Variants in FHIT observed in about 807,000 individuals in gnomAD.
FHIT encodes bis(5'-adenosyl)-triphosphatase.
FHIT carries 19 observed loss-of-function variants against 17.9 expected under a neutral mutation model. The ratio of observed to expected loss-of-function variants is 1.06; its 90% CI spans 0.74 to 1.56. The LOEUF (loss-of-function observed/expected upper bound fraction) is 1.56. Among genes scored for constraint, FHIT ranks in the 40% most tolerant of loss-of-function variants. The probability of loss-of-function intolerance (pLI) is 0.00; values close to 1 mark genes in which losing one functional copy is unlikely to be tolerated. For missense variants in FHIT, 248 were observed against 189.2 expected (o/e 1.31, Z -1.82); for synonymous variants, 81 against 69.7 (o/e 1.16, Z -0.81).
chr3:60,730,505 C>T (rs910053599), intron 4 of FHIT: 4 of 190,348 alleles, frequency 2.1e-5, no homozygotes, highest in Non-Finnish European at 3.5e-5. Context: ...AAGCCACCTT[C>T]GAAGATGAGG....
intron 5 of FHIT, among the ~76,000 whole-genome samples, chr3:60,146,873 T>C (rs985361913): frequency 6.6e-6 from 1 of 152,202 alleles, no homozygotes; most frequent in Non-Finnish European, 1.5e-5. Context: ...AAATAAAATG[T>C]GTTTTGAAGA....
intron 4 of FHIT, 138 bp downstream of exon 4, chr3:60,821,781 A>C (rs1215881750): frequency 2.6e-5 from 4 of 152,210 alleles, no homozygotes; most frequent in African/African-American, 9.7e-5. Flanking sequence ...CTCCAAGGGA[A>C]TCTAGCCCTG....
At chr3:61,217,637 T>C (rs898356845) in intron 1 of FHIT, among the ~76,000 whole-genome samples, 1 of 151,944 alleles carries the variant, frequency 6.6e-6, no homozygotes, top group Admixed American at 6.6e-5. Flanking sequence ...CCGCCCTCAA[T>C]GAGGGAGTGT....
chr3:60,123,997 TATATATATATATAGAGAGAGAG>T (rs1208667273), intron 5 of FHIT, among the ~76,000 whole-genome samples: 11 of 33,908 alleles, frequency 3.2e-4, no homozygotes, highest in Admixed American at 3.1e-3. Context: ...TATATATATA[TATATATATATATAGAGAGAGAG>T]AGAGAGAGAG....
chr3:60,520,393 T>C (rs1435941700), intron 5 of FHIT, among the ~76,000 whole-genome samples: 1 of 152,182 alleles, frequency 6.6e-6, no homozygotes, highest in Non-Finnish European at 1.5e-5. Context: ...GTATCAGAAC[T>C]ACATTAATGC....
At chr3:60,140,904 C>T (rs1700014326) in intron 5 of FHIT, among the ~76,000 whole-genome samples, 2 of 152,066 alleles carry the variant, frequency 1.3e-5, no homozygotes, top group Non-Finnish European at 2.9e-5. Flanking sequence ...CTTAACAACA[C>T]TGAGTACTCG....
chr3:60,451,828 G>C (rs115837215), intron 5 of FHIT, among the ~76,000 whole-genome samples: 6,881 of 151,956 alleles, frequency 0.045, 206 homozygotes, highest in Middle Eastern at 0.095. Flanking sequence ...TAGCAATATG[G>C]GAAAAAAAGA....
At chr3:60,923,752 G>C (rs1389061986) in intron 3 of FHIT, among the ~76,000 whole-genome samples, 1 of 152,124 alleles carries the variant, frequency 6.6e-6, no homozygotes, top group African/African-American at 2.4e-5. Context: ...AGCCAAAGCA[G>C]GGCAAGGCAT....
chr3:60,194,392 G>C (rs930031934), intron 5 of FHIT, among the ~76,000 whole-genome samples: 3 of 152,070 alleles, frequency 2.0e-5, no homozygotes, highest in African/African-American at 7.2e-5. Context: ...CCATGTAGAA[G>C]AATTAAACGG....
intron 5 of FHIT, among the ~76,000 whole-genome samples, chr3:60,201,840 C>T (rs955949875): frequency 3.5e-5 from 2 of 57,364 alleles, no homozygotes; most frequent in South Asian, 1.5e-3. Context: ...CTTTTGGAGT[C>T]TCAGGGAGAA....
At chr3:61,173,306 A>G (rs933489304) in intron 2 of FHIT, among the ~76,000 whole-genome samples, 2 of 152,174 alleles carry the variant, frequency 1.3e-5, no homozygotes, top group Admixed American at 1.3e-4. Flanking sequence ...AAACTCAAAC[A>G]GCTATATTTT....
intron 4 of FHIT, among the ~76,000 whole-genome samples, chr3:60,600,269 C>A (rs1358120693): frequency 6.6e-6 from 1 of 151,788 alleles, no homozygotes; most frequent in Non-Finnish European, 1.5e-5. Context: ...CTCTTTTTTC[C>A]ATAAGTTATT....
At chr3:60,862,820 C>T (rs1367314500) in intron 3 of FHIT, among the ~76,000 whole-genome samples, 1 of 150,524 alleles carries the variant, frequency 6.6e-6, no homozygotes, top group East Asian at 1.9e-4. Flanking sequence ...CCATTGCACT[C>T]CAGCTTGGGC....
At chr3:59,787,535 A>C (rs73840823) in intron 8 of FHIT, among the ~76,000 whole-genome samples, 7,535 of 147,480 alleles carry the variant, frequency 0.051, 298 homozygotes, top group African/African-American at 0.11. Context: ...CACACGTCAA[A>C]GGCTTCTCCC....
chr3:60,705,707 C>T (rs2041356027), intron 4 of FHIT, among the ~76,000 whole-genome samples: 1 of 152,130 alleles, frequency 6.6e-6, no homozygotes, highest in Non-Finnish European at 1.5e-5. Flanking sequence ...TACACATATA[C>T]ACAAAAGCTT....
chr3:60,011,734 T>C (rs970214505), intron 6 of FHIT, among the ~76,000 whole-genome samples: 1 of 152,230 alleles, frequency 6.6e-6, no homozygotes, highest in African/African-American at 2.4e-5. Context: ...CTTCTGGTTA[T>C]GTTTAGAGGT....
rs1559637847 is a variant in FHIT, at chr3:60,106,978, C to T, written c.104-92826G>A. ...TTTTTATTGTAAGCCTTCCCATTGT[C>T]TGTATATAATTAAGAAAAGATCAGT... On this transcript the variant is annotated intron_variant, in intron 5 of 9. Transcript: ENST00000492590. Among the ~76,000 whole-genome samples the T allele has an allele frequency of 3.3e-5, 5 of 151,734 alleles. No individual in the cohort carries two copies. In the South Asian group the frequency reaches 1.0e-3, roughly 32 times the overall value.
chr3:59,841,738 T>A (rs1701541377), intron 8 of FHIT, among the ~76,000 whole-genome samples: 1 of 151,928 alleles, frequency 6.6e-6, no homozygotes, highest in Non-Finnish European at 1.5e-5. Flanking sequence ...ACCCAGACAA[T>A]CCTTTAAAAC....
At chr3:60,960,042 T>C (rs1345216961) in intron 3 of FHIT, among the ~76,000 whole-genome samples, 12 of 151,534 alleles carry the variant, frequency 7.9e-5, no homozygotes. Flanking sequence ...TGATTATCTC[T>C]GAATGATAAG....
Sources: gnomAD v4.1 joint callset for allele counts (sites outside exome capture counted in the v4.1 genomes callset) on GRCh38, gnomAD v4.1.1 for gene constraint, MANE v1.5 for transcripts, NCBI Gene and HGNC (gene_info 2026-07-23, HGNC 2026-07-21) for gene names.